The following ADK variants were observed in gnomAD, a reference collection of about 807,000 sequenced individuals.
The protein encoded by ADK is N6,N6-dimethyladenosine kinase.
Under a neutral mutation model 44.7 loss-of-function variants are expected in ADK, and 24 were observed. That is an observed-to-expected ratio of 0.54 (90% CI 0.39 to 0.76). The LOEUF (loss-of-function observed/expected upper bound fraction) is 0.76, where lower values mean the gene tolerates loss of function less well. Among genes scored for constraint, ADK ranks in the 30% least tolerant of loss-of-function variants. ADK has a pLI of 0.00. For missense variants in ADK, 321 were observed against 425.1 expected (o/e 0.76, Z 2.15); for synonymous variants, 128 against 142.6 (o/e 0.90, Z 0.73).
At chr10:74,221,190 A>G (rs1591880872) in intron 2 of ADK, among the ~76,000 whole-genome samples, 1 of 151,792 alleles carries the variant, frequency 6.6e-6, no homozygotes, top group African/African-American at 2.4e-5. Context: ...TACAAAATCA[A>G]TGTACAAAAA....
chr10:74,223,960 G>A (rs1346386643), intron 2 of ADK, among the ~76,000 whole-genome samples: 1 of 152,020 alleles, frequency 6.6e-6, no homozygotes, highest in Non-Finnish European at 1.5e-5. Context: ...ATGGTGGTGC[G>A]TGCCTGTAAT....
At chr10:74,395,437 G>T (rs569219329) in intron 5 of ADK, among the ~76,000 whole-genome samples, 2 of 152,032 alleles carry the variant, frequency 1.3e-5, no homozygotes, top group South Asian at 4.1e-4. Flanking sequence ...GGTATGAAAG[G>T]CATTTTCAGA....
At chr10:74,615,989 G>A (rs979848278) in intron 9 of ADK, among the ~76,000 whole-genome samples, 8 of 152,120 alleles carry the variant, frequency 5.3e-5, no homozygotes, top group Non-Finnish European at 1.0e-4. Flanking sequence ...GGTTACAGGC[G>A]TGAGCCATCG....
At chr10:74,339,936 A>C (rs1327361646) in intron 4 of ADK, among the ~76,000 whole-genome samples, 1 of 152,180 alleles carries the variant, frequency 6.6e-6, no homozygotes, top group African/African-American at 2.4e-5. Context: ...CTATATCAAC[A>C]CTGGCTTACT....
intron 6 of ADK, among the ~76,000 whole-genome samples, chr10:74,420,246 G>T (rs561602148): frequency 5.3e-5 from 8 of 152,212 alleles, no homozygotes; most frequent in Admixed American, 1.3e-4. Context: ...TCGTACTCTG[G>T]TGGTTGGGGT....
chr10:74,611,782 A>G (rs1852554965), intron 9 of ADK, among the ~76,000 whole-genome samples: 1 of 151,974 alleles, frequency 6.6e-6, no homozygotes, highest in Non-Finnish European at 1.5e-5. Flanking sequence ...GGCTGCATCT[A>G]TGCTGCTGCA....
chr10:74,200,589 CTT>C (rs1843342845), intron 1 of ADK, among the ~76,000 whole-genome samples, 173 bp from the exon 2 acceptor site: 1 of 150,984 alleles, frequency 6.6e-6, no homozygotes, highest in Admixed American at 6.6e-5. Context: ...TTCTAAATGT[CTT>C]TATGCTACCT....
intron 9 of ADK, among the ~76,000 whole-genome samples, chr10:74,649,863 C>T (rs981657558): frequency 6.6e-6 from 1 of 152,154 alleles, no homozygotes; most frequent in Non-Finnish European, 1.5e-5. Context: ...AATATGAATA[C>T]TTGTCCCCAT....
intron 7 of ADK, among the ~76,000 whole-genome samples, chr10:74,544,648 G>T (rs571750614): frequency 6.6e-6 from 1 of 152,084 alleles, no homozygotes; most frequent in East Asian, 1.9e-4. Flanking sequence ...GGGCTGAGGC[G>T]GGCAGATCAC....
intron 1 of ADK, among the ~76,000 whole-genome samples, chr10:74,198,790 CAG>C (rs1843255127): frequency 6.6e-6 from 1 of 152,180 alleles, no homozygotes; most frequent in African/African-American, 2.4e-5. Flanking sequence ...TTATGGAAAA[CAG>C]ACTTCCTCCA....
chr10:74,533,583 G>A (rs948218607), intron 7 of ADK, among the ~76,000 whole-genome samples: 5 of 152,156 alleles, frequency 3.3e-5, no homozygotes, highest in Admixed American at 6.5e-5. Flanking sequence ...ATCTAAAAAC[G>A]CAAACTTCAA....
chr10:74,305,884 G>C (rs1458221010), intron 3 of ADK, among the ~76,000 whole-genome samples: 2 of 151,934 alleles, frequency 1.3e-5, no homozygotes, highest in Non-Finnish European at 2.9e-5. Context: ...GCATCACTAT[G>C]CCTGGCTATT....
At chr10:74,446,928 C>A (rs1845607511) in intron 6 of ADK, among the ~76,000 whole-genome samples, 2 of 151,984 alleles carry the variant, frequency 1.3e-5, no homozygotes, top group South Asian at 4.1e-4. Context: ...TTTTATAATG[C>A]TTTACCCAAA....
chr10:74,563,808 G>A (rs1335404004), intron 7 of ADK, among the ~76,000 whole-genome samples: 2 of 152,126 alleles, frequency 1.3e-5, no homozygotes, highest in Admixed American at 6.6e-5. Context: ...AAATAAGCAC[G>A]TCTAGAAAAC....
chr10:74,208,667 C>T (rs994262596), intron 2 of ADK, among the ~76,000 whole-genome samples: 1 of 151,876 alleles, frequency 6.6e-6, no homozygotes, highest in Non-Finnish European at 1.5e-5. Flanking sequence ...GTTTAGCCTA[C>T]ATTTTGAGCC....
chr10:74,238,717 G>T (rs985745731), intron 3 of ADK, among the ~76,000 whole-genome samples: 2 of 151,988 alleles, frequency 1.3e-5, no homozygotes, highest in African/African-American at 4.8e-5. Context: ...TAATTTTCAG[G>T]CTCTTTGGTT....
Position 74,386,426 on chromosome 10 carries a change from T to C in ADK, c.274-7715T>C, listed in dbSNP as rs143133756. Reference sequence around the variant, plus strand: ...TATTGTCCTAAATATTGCATTTAGGTAATAAAAAGGAAATCTTCCTTGAAG... The same window carrying C: ...TATTGTCCTAAATATTGCATTTAGGCAATAAAAAGGAAATCTTCCTTGAAG... On this transcript the variant is annotated intron_variant, in intron 4 of 10. Transcript: ENST00000539909. Among the ~76,000 whole-genome samples, 771 of 152,278 alleles carry C rather than the reference T, an allele frequency of 5.1e-3. 12 individuals are homozygous for C. Among genetic ancestry groups the C allele is most frequent in the Admixed American group, 0.017 (255 of 15,300 alleles).
intron 1 of ADK, among the ~76,000 whole-genome samples, chr10:74,191,956 C>G (rs1035125444): frequency 1.3e-5 from 2 of 152,218 alleles, no homozygotes; most frequent in African/African-American, 2.4e-5. Context: ...ACCCTAACCC[C>G]TGGCAACTAC....
At chr10:74,338,680 T>G (rs573779583) in intron 4 of ADK, among the ~76,000 whole-genome samples, 1 of 152,308 alleles carries the variant, frequency 6.6e-6, no homozygotes, top group East Asian at 1.9e-4. Flanking sequence ...TGTTACATAC[T>G]GTATGATTCC....
Sources: allele counts gnomAD v4.1 joint callset (sites outside exome capture counted in the v4.1 genomes callset), GRCh38; gene constraint gnomAD v4.1.1; transcripts MANE v1.5; gene names NCBI Gene and HGNC (gene_info 2026-07-23, HGNC 2026-07-21).